TFEC: variants seen among roughly 807,000 people sequenced by gnomAD.
TFEC encodes class E basic helix-loop-helix protein 34.
TFEC carries 31 observed loss-of-function variants against 41.6 expected under a neutral mutation model. That is an observed-to-expected ratio of 0.74 (90% confidence interval 0.56 to 1.01). The LOEUF (loss-of-function observed/expected upper bound fraction) is 1.01, where lower values mean the gene tolerates loss of function less well. TFEC is among the 50% of genes least tolerant of loss of function. The pLI is 0.00. For missense variants in TFEC, 402 were observed against 404.1 expected (o/e 0.99, Z 0.04); for synonymous variants, 143 against 140.6 (o/e 1.02, Z -0.12).
chr7:115,982,718 G>A (rs1369531129), intron 2 of TFEC, among the ~76,000 whole-genome samples: 1 of 152,074 alleles, frequency 6.6e-6, no homozygotes, highest in African/African-American at 2.4e-5. Context: ...GCAATTCTTG[G>A]GACTTTCAAC....
chr7:116,149,029 C>T (rs1798704553), intron 1 of TFEC, among the ~76,000 whole-genome samples: 1 of 151,926 alleles, frequency 6.6e-6, no homozygotes, highest in African/African-American at 2.4e-5. Flanking sequence ...TATGGTGTAT[C>T]CAGTTAAAAT....
At chr7:116,030,979 A>G (rs762803732), upstream of TFEC, among the ~76,000 whole-genome samples, 9 of 152,170 alleles carry the variant, frequency 5.9e-5, no homozygotes, top group African/African-American at 9.7e-5. Context: ...TGGCCACAGT[A>G]AAAGCTCTTG....
chr7:115,967,843 AC>A (rs1792937078), intron 3 of TFEC, among the ~76,000 whole-genome samples: 1 of 151,880 alleles, frequency 6.6e-6, no homozygotes, highest in African/African-American at 2.4e-5. Context: ...CATATTATAT[AC>A]ATATGACCTA....
At chr7:116,093,083 AC>A (rs1373653513) in intron 3 of TFEC, among the ~76,000 whole-genome samples, 1 of 152,138 alleles carries the variant, frequency 6.6e-6, no homozygotes, top group African/African-American at 2.4e-5. Flanking sequence ...TTTACTGAGT[AC>A]CTATTGAGTT....
intron 3 of TFEC, among the ~76,000 whole-genome samples, chr7:116,094,540 C>T (rs951657515): frequency 4.6e-5 from 7 of 151,956 alleles, no homozygotes; most frequent in African/African-American, 9.7e-5. Flanking sequence ...ATTAGCCAGG[C>T]GTGGTGGCAT....
intron 3 of TFEC, among the ~76,000 whole-genome samples, chr7:116,055,023 A>G (rs1402236457): frequency 6.6e-6 from 1 of 152,184 alleles, no homozygotes; most frequent in African/African-American, 2.4e-5. Flanking sequence ...AAGTATTTTC[A>G]CAGCATAAGC....
chr7:116,093,400 T>C (rs1797373377), intron 3 of TFEC, among the ~76,000 whole-genome samples: 1 of 152,090 alleles, frequency 6.6e-6, no homozygotes, highest in East Asian at 1.9e-4. Context: ...AAAAGACCCT[T>C]TCTTTTCAGA....
chr7:116,093,365 G>A (rs78880740), intron 3 of TFEC, among the ~76,000 whole-genome samples: 1 of 152,086 alleles, frequency 6.6e-6, no homozygotes, highest in Non-Finnish European at 1.5e-5. Context: ...GGATCATAAA[G>A]GCACAGGACA....
intron 5 of TFEC, among the ~76,000 whole-genome samples, chr7:115,952,946 C>T (rs1252766973): frequency 1.3e-5 from 2 of 152,088 alleles, no homozygotes; most frequent in Non-Finnish European, 2.9e-5. Flanking sequence ...AAGCAATTTC[C>T]TCCCTAATTC....
chr7:116,069,959 C>T (rs1259918892), intron 3 of TFEC, among the ~76,000 whole-genome samples: 2 of 151,174 alleles, frequency 1.3e-5, no homozygotes, highest in Admixed American at 6.6e-5. Flanking sequence ...ACAATATGAA[C>T]ATATAAATAT....
At chr7:116,033,303 A>G (rs1795832301), upstream of TFEC, among the ~76,000 whole-genome samples, 2 of 152,100 alleles carry the variant, frequency 1.3e-5, no homozygotes, top group Admixed American at 6.6e-5. Flanking sequence ...CTCAACTCCC[A>G]GCTCTACCTC....
Position 116,107,326 on chromosome 7 carries a change from A to T in TFEC, c.198+3382T>A, listed in dbSNP as rs979160251. On this transcript the variant is annotated intron_variant, in intron 3 of 8. Coordinates refer to the TFEC transcript ENST00000484212. Reference sequence around the variant, plus strand: ...AAAGCGAACACCTGACTTCTAAAAAAACTGAGCATAGCACTTACCATCTTG... The same window carrying T: ...AAAGCGAACACCTGACTTCTAAAAATACTGAGCATAGCACTTACCATCTTG... Among the ~76,000 whole-genome samples the T allele has an allele frequency of 2.0e-5, 3 of 152,296 alleles. No homozygotes were observed. The East Asian group carries it at 5.8e-4, about 29-fold the overall frequency.
chr7:116,149,197 G>T (rs1272239780), intron 1 of TFEC, among the ~76,000 whole-genome samples: 2 of 152,070 alleles, frequency 1.3e-5, no homozygotes, highest in Non-Finnish European at 2.9e-5. Flanking sequence ...AAAAAAGTTA[G>T]TTATTAGAGA....
At chr7:116,004,462 T>A (rs1343247831) in intron 1 of TFEC, among the ~76,000 whole-genome samples, 1 of 152,138 alleles carries the variant, frequency 6.6e-6, no homozygotes, top group Non-Finnish European at 1.5e-5. Context: ...TGGGTGATAG[T>A]GAAGTGTCAA....
At chr7:115,979,221 T>A (rs907451644) in intron 2 of TFEC, among the ~76,000 whole-genome samples, 1 of 152,138 alleles carries the variant, frequency 6.6e-6, no homozygotes, top group African/African-American at 2.4e-5. Flanking sequence ...GGTCCCAAGT[T>A]TCAACCCTAC....
intron 1 of TFEC, among the ~76,000 whole-genome samples, chr7:116,143,156 G>A (rs1317836881): frequency 1.3e-5 from 2 of 152,038 alleles, no homozygotes; most frequent in African/African-American, 2.4e-5. Context: ...GTGACCACTG[G>A]GACAATTGCC....
intron 1 of TFEC, among the ~76,000 whole-genome samples, chr7:115,986,497 T>C (rs1260301484): frequency 1.3e-5 from 2 of 151,936 alleles, no homozygotes; most frequent in African/African-American, 2.4e-5. Context: ...AAAAGCTCCA[T>C]AACACATGCA....
intron 4 of TFEC, among the ~76,000 whole-genome samples, chr7:115,956,387 GCTGT>G (rs1262820389): frequency 6.6e-6 from 1 of 151,744 alleles, no homozygotes; most frequent in Admixed American, 6.6e-5. Context: ...GTTAAATGAA[GCTGT>G]CTTTTATATA....
intron 6 of TFEC, among the ~76,000 whole-genome samples, chr7:115,948,115 C>T (rs1791706974): frequency 1.3e-5 from 2 of 152,066 alleles, no homozygotes; most frequent in Admixed American, 1.3e-4. Context: ...GGATAAATTC[C>T]TCGACATATA....
Sources: allele counts gnomAD v4.1 joint callset (sites outside exome capture counted in the v4.1 genomes callset), GRCh38; gene constraint gnomAD v4.1.1; transcripts MANE v1.5; gene names NCBI Gene and HGNC (gene_info 2026-07-23, HGNC 2026-07-21).